Variants in INPP5E observed in about 807,000 individuals in gnomAD.
INPP5E encodes the protein inositol polyphosphate-5-phosphatase E.
In INPP5E, 34 loss-of-function variants were observed where a neutral mutation model predicts 50.5. The observed-to-expected ratio is 0.67, with a 90% CI of 0.51 to 0.90. The LOEUF (loss-of-function observed/expected upper bound fraction) is 0.90, where lower values mean the gene tolerates loss of function less well. Ranked by LOEUF, INPP5E falls within the 40% of genes least tolerant of loss-of-function variation. INPP5E has a pLI of 0.00. For synonymous variants in INPP5E, 447 were observed against 406.0 expected (o/e 1.10, Z -1.21); for missense variants, 942 against 905.5 (o/e 1.04, Z -0.52).
chr9:136,429,856 G>A lies in INPP5E; in HGVS notation c.1803-49C>T, dbSNP rs765239506. 29 of 1,555,928 alleles carry A rather than the reference G, an allele frequency of 1.9e-5. No individual in the cohort carries two copies. The East Asian group carries it at 5.6e-4, about 30-fold the overall frequency. On this transcript the variant is annotated intron_variant, in intron 9 of 9. Transcript: ENST00000371712. ...GGAGGGCACCCAGGGCCAGGAGGAG[G>A]GGGCGTTAGGAGGGGGCCGGCCCCG...
chr9:136,432,038 C>T (rs562019599), intron 6 of INPP5E, 53 bp from the exon 7 acceptor site: 1 of 1,608,676 alleles, frequency 6.2e-7, no homozygotes, highest in Admixed American at 1.7e-5. Flanking sequence ...GCAGGTCCTT[C>T]CCCTTCCCCA....
rs1835960486 is a variant in INPP5E at position 136,439,746 on chromosome 9, C to T, written c.-327G>A. On this transcript the variant is annotated 5_prime_UTR_variant, in exon 1 of 10. Coordinates refer to ENST00000371712, the MANE Select transcript of INPP5E (RefSeq NM_019892.6). Reference sequence around the variant, plus strand: ...GGAGAGGGGTGGGAAGCGGGCACCCCTGGCTGGGCTCGCAGACTCCGAAGT... The same window carrying T: ...GGAGAGGGGTGGGAAGCGGGCACCCTTGGCTGGGCTCGCAGACTCCGAAGT... 1 of 230,770 alleles carries T rather than the reference C, an allele frequency of 4.3e-6. No individual in the cohort carries two copies. The highest frequency in any genetic ancestry group is 8.4e-6 in the Non-Finnish European group (1 of 119,364). 14.3% of individuals were successfully genotyped at this position (230,770 alleles called of 1,614,324 possible).
chr9:136,432,089 G>A, intron 6 of INPP5E, 104 bp from the exon 7 acceptor site: 1 of 1,446,874 alleles, frequency 6.9e-7, no homozygotes, highest in Non-Finnish European at 9.6e-7. Context: ...AGTGGGTCTT[G>A]GGCGCCAGCC....
At chr9:136,433,308 G>C in intron 3 of INPP5E, 29 bp from the exon 4 acceptor site, 1 of 1,558,810 alleles carries the variant, frequency 6.4e-7, no homozygotes, top group South Asian at 1.2e-5. Context: ...GGCCGGCTGG[G>C]GGACATGGCC....
chr9:136,436,091 C>T (rs1233157812), intron 1 of INPP5E: 3 of 152,242 alleles, frequency 2.0e-5, no homozygotes, highest in African/African-American at 4.8e-5. Context: ...TGTGACCTCC[C>T]GCGAGAACTT....
Position 136,429,720 on chromosome 9 carries a change from T to G in INPP5E, c.1890A>C (p.Gln630His). 1 of 1,614,122 alleles carries G rather than the reference T, an allele frequency of 6.2e-7. No individual in the cohort carries two copies. The highest frequency in any genetic ancestry group is 1.3e-5 in the African/African-American group (1 of 75,078). Residue 630 changes from glutamine to histidine, a missense_variant, in exon 10 of 10, where the codon CAA becomes CAC. Gln to His is a conservative substitution (Grantham distance 24). Transcript: ENST00000371712. ...TGCTGGAGTTCTGACTCTGTAGTGCTTGCTGCCTCTGAATCTCCTTCGAAA... is the reference window on the plus strand; with the variant it reads ...TGCTGGAGTTCTGACTCTGTAGTGCGTGCTGCCTCTGAATCTCCTTCGAAA... ...RRISKEIQRQ[Q>H]ALQSQNSSTI... is the part of the protein sequence containing the mutation.
rs781316816 is a variant in INPP5E at position 136,434,739 on chromosome 9, CCTT to C, written c.934_936del (p.Lys312del). On this transcript the variant is annotated inframe_deletion and splice_region_variant, in exon 2 of 10. Transcript: ENST00000371712. ...GCCCAGCACCACCCACAGCCACTCA[CCTT>C]CTGGCCCTGCATGTTCCAGGTGGCC... 5.0e-6 allele frequency: 8 copies of C among 1,606,942 alleles called. No individual in the cohort carries two copies. In the East Asian group the frequency reaches 6.7e-5, roughly 13 times the overall value.
rs757534303 is a variant in INPP5E, at chr9:136,434,714, GCCCAGCACCA to G, written c.936+16_936+25del. ...GTCCAGCACCACCCCACCCTTCCCC[GCCCAGCACCA>G]CCCACAGCCACTCACCTTCTGGCCC... On this transcript the variant is annotated intron_variant, in intron 2 of 9. Transcript: ENST00000371712. 1.3e-5 allele frequency: 9 copies of G among 679,772 alleles called. No individual in the cohort carries two copies. The highest frequency in any genetic ancestry group is 2.3e-5 in the Non-Finnish European group (9 of 397,828). 42.1% of individuals were successfully genotyped at this position (679,772 alleles called of 1,614,324 possible). A position where few individuals can be genotyped will look rare whatever the true frequency, so the allele number is the denominator to read the frequency against.
In INPP5E at chr9:136,433,111, C is replaced by T. The variant is rs772854557; in HGVS notation, c.1160-36G>A. The T allele has an allele frequency of 4.7e-5, 68 of 1,455,358 alleles. No homozygotes were observed. The Admixed American group carries it at 7.2e-4, about 15-fold the overall frequency. The allele number at this position is 1,455,358 out of a possible 1,614,324, so 90.2% of individuals were successfully genotyped here. On this transcript the variant is annotated intron_variant, in intron 4 of 9. Transcript: ENST00000371712. ...GGCAGCCCTCAGCTCACCTGTGGGA[C>T]GCTGCCACCTTCCAGCCGCGCCCAC...
At chr9:136,433,120 C>T (rs1201001228) in intron 4 of INPP5E, 35 bp downstream of exon 4, 1 of 1,610,940 alleles carries the variant, frequency 6.2e-7, no homozygotes, top group South Asian at 1.1e-5. Flanking sequence ...ACGCTGCCAC[C>T]TTCCAGCCGC....
Position 136,439,015 on chromosome 9 carries a change from G to T in INPP5E, c.405C>A (p.Thr135=). 6.3e-7 allele frequency: 1 copy of T among 1,587,430 alleles called. No individual in the cohort carries two copies. The highest frequency in any genetic ancestry group is 1.3e-5 in the African/African-American group (1 of 74,814). ...AHSCSPPCLS[T]SLQEIPKSRG... is the part of the protein sequence containing the mutation. The stretch of plus-strand genomic sequence containing the variant: ...GGGACTTGGGGATTTCCTGCAAGGA[G>T]GTGCTCAGGCAGGGCGGGGAGCAGC... The change falls in exon 1 of 10, where the codon ACC becomes ACA. Residue 135 remains threonine (T), a synonymous_variant. Transcript: ENST00000371712.
intron 2 of INPP5E, among the ~76,000 whole-genome samples, chr9:136,434,423 C>T (rs534486800): frequency 2.6e-4 from 39 of 152,326 alleles, no homozygotes; most frequent in African/African-American, 8.7e-4. Context: ...CACCCTGTCC[C>T]TGAGCCACCC....
At chr9:136,435,756 G>C (rs1440002937) in intron 1 of INPP5E, 4 of 152,126 alleles carry the variant, frequency 2.6e-5, no homozygotes, top group Admixed American at 2.6e-4. Context: ...GCTCTGCTAC[G>C]GTGGTGCAAG....
At position 136,430,925 on chromosome 9, in the gene INPP5E, C is replaced by T. The variant is rs563087580; in HGVS notation, c.1665+77G>A. 99 of 1,033,440 alleles carry T rather than the reference C, an allele frequency of 9.6e-5. No homozygotes were observed. In the Middle Eastern group the frequency reaches 1.5e-3, roughly 15 times the overall value. 64.0% of individuals were successfully genotyped at this position (1,033,440 alleles called of 1,614,324 possible). Reference sequence around the variant, plus strand: ...AGGCCGTCCAGGCTCAGACCCCTGACGCCAGGCATCGGTTCCCGGCTGTGG... The same window carrying T: ...AGGCCGTCCAGGCTCAGACCCCTGATGCCAGGCATCGGTTCCCGGCTGTGG... On this transcript the variant is annotated intron_variant, in intron 8 of 9. Transcript: ENST00000371712.
chr9:136,429,671 A>C lies in INPP5E; in HGVS notation c.*4T>G. The C allele has an allele frequency of 6.2e-7, 1 of 1,614,024 alleles. No individual in the cohort carries two copies. The highest frequency in any genetic ancestry group is 8.5e-7 in the Non-Finnish European group (1 of 1,180,030). On this transcript the variant is annotated 3_prime_UTR_variant, in exon 10 of 10. Transcript: ENST00000371712. ...TGCAGCTGTGAGTCCTCGTTCAGCA[A>C]ACTTCAAGAAACGGAGCAGATGGTG...
chr9:136,430,970 C>CAAG (rs1182879608), intron 8 of INPP5E, 32 bp downstream of exon 8: 7 of 1,444,532 alleles, frequency 4.8e-6, no homozygotes, highest in South Asian at 1.1e-5. Flanking sequence ...GCCCTGGAAG[C>CAAG]ACTCTGCACC....
At chr9:136,436,237 G>A (rs562086371) in intron 1 of INPP5E, 1 of 152,276 alleles carries the variant, frequency 6.6e-6, no homozygotes, top group East Asian at 1.9e-4. Context: ...GTGGTCATTC[G>A]GGACAGAGAG....
chr9:136,432,516 T>C lies in INPP5E; in HGVS notation c.1350A>G (p.Arg450=). 2 of 1,551,658 alleles carry C rather than the reference T, an allele frequency of 1.3e-6. No homozygotes were observed. The highest frequency in any genetic ancestry group is 2.7e-5 in the African/African-American group (2 of 73,292). The part of the protein sequence containing the change: ...TRTVQALVLP[R]NVPDTNPYRS... ...GATAGGGGTTGGTGTCGGGCACATTTCTGGGCAGGACCAGGGCTTGTACAG... is the reference window on the plus strand; with the variant it reads ...GATAGGGGTTGGTGTCGGGCACATTCCTGGGCAGGACCAGGGCTTGTACAG... Residue 450 remains arginine, a synonymous_variant, in exon 6 of 10, where the codon AGA becomes AGG. Transcript: ENST00000371712.
chr9:136,433,088 C>A lies in INPP5E; in HGVS notation c.1160-13G>T. 1.9e-6 allele frequency: 3 copies of A among 1,611,820 alleles called. No homozygotes were observed. Among genetic ancestry groups the A allele is most frequent in the Non-Finnish European group, 2.5e-6 (3 of 1,179,604 alleles). On this transcript the variant is annotated splice_polypyrimidine_tract_variant and intron_variant, in intron 4 of 9. Transcript: ENST00000371712. ...GAGCACTCCACCTCTGTGGGAGGGG[C>A]AGCCCTCAGCTCACCTGTGGGACGC... is the stretch of plus-strand genomic sequence containing the variant.
Sources: allele counts gnomAD v4.1 joint callset (sites outside exome capture counted in the v4.1 genomes callset), GRCh38; gene constraint gnomAD v4.1.1; transcripts MANE v1.5; gene names NCBI Gene and HGNC (gene_info 2026-07-23, HGNC 2026-07-21).